AFF3: variants seen among roughly 807,000 people sequenced by gnomAD.
AFF3 encodes AF4/FMR2 family member 3.
A neutral mutation model predicts 129.7 loss-of-function variants in AFF3; 32 were observed. That is an observed-to-expected ratio of 0.25 (90% CI 0.19 to 0.33). The LOEUF (loss-of-function observed/expected upper bound fraction) is 0.33. Among genes scored for constraint, AFF3 ranks in the 10% least tolerant of loss-of-function variants. The pLI, the probability that AFF3 is intolerant of heterozygous loss-of-function variation, is 1.00. For synonymous variants in AFF3, 644 were observed against 635.4 expected, an observed-to-expected ratio of 1.01 and a Z score of -0.20; for missense variants, 1,373 against 1,592.0, an observed-to-expected ratio of 0.86 and a Z score of 2.34.
intron 11 of AFF3, among the ~76,000 whole-genome samples, chr2:99,709,953 G>A (rs533514699): frequency 6.6e-6 from 1 of 152,344 alleles, no homozygotes; most frequent in South Asian, 2.1e-4. Flanking sequence ...CAGCTCAGGT[G>A]TCTGTAGTCT....
At chr2:99,571,499 T>A (rs1418179945) in intron 18 of AFF3, among the ~76,000 whole-genome samples, 7 of 152,184 alleles carry the variant, frequency 4.6e-5, no homozygotes. Flanking sequence ...TATTTTTAAA[T>A]CCTGATATGG....
chr2:99,843,379 C>A (rs1689467365), intron 7 of AFF3, among the ~76,000 whole-genome samples: 1 of 152,198 alleles, frequency 6.6e-6, no homozygotes, highest in African/African-American at 2.4e-5. Context: ...GCCTCTGAGC[C>A]TCCTCTGATC....
intron 8 of AFF3, among the ~76,000 whole-genome samples, chr2:99,826,648 G>A (rs984716922): frequency 2.0e-5 from 3 of 152,116 alleles, no homozygotes; most frequent in Non-Finnish European, 4.4e-5. Flanking sequence ...CAGTGGTTAC[G>A]CCTGCAGAAG....
chr2:99,914,171 G>A lies in AFF3; in HGVS notation c.874-76647C>T, dbSNP rs375503876. On this transcript the variant is annotated intron_variant, in intron 7 of 24. Coordinates refer to ENST00000672756, the MANE Select transcript of AFF3 (RefSeq NM_001386135.1). ...ATGGCATTCACATCACCAGTAATGGGACAAATCAATGTCACCTGCCTCTTG... is the reference window on the plus strand; with the variant it reads ...ATGGCATTCACATCACCAGTAATGGAACAAATCAATGTCACCTGCCTCTTG... Among the ~76,000 whole-genome samples, 11 of 152,236 alleles carry A rather than the reference G, an allele frequency of 7.2e-5. No homozygotes were observed. In the South Asian group the frequency reaches 2.1e-3, roughly 29 times the overall value.
rs1365878159 is a variant in AFF3 at position 99,554,344 on chromosome 2, C to T, written c.3526G>A (p.Glu1176Lys). 6.2e-7 allele frequency: 1 copy of T among 1,614,214 alleles called. No individual in the cohort carries two copies. Among genetic ancestry groups the T allele is most frequent in the Non-Finnish European group, 8.5e-7 (1 of 1,180,040 alleles). Residue 1176 changes from glutamate (E) to lysine (K), a missense_variant, in exon 24 of 25, where the codon GAG (glutamate) becomes AAG (lysine). This residue lies in a region of AFF3 where 165 missense variants were observed against 234.0 expected (regional missense o/e 0.71). Coordinates refer to ENST00000672756, the MANE Select transcript of AFF3 (RefSeq NM_001386135.1). ...TCCTTGGCCAGGTTGTCGGCCATCT[C>T]CCAGTAGTCGTAGCTGTGCAGGATG... ...NSILHSYDYW[E>K]MADNLAKENR...
intron 3 of AFF3, chr2:100,105,240 C>T: frequency 9.5e-7 from 1 of 1,047,622 alleles, no homozygotes; most frequent in Non-Finnish European, 1.2e-6. Context: ...GGCGCTCCCG[C>T]GGGCGGCGGA....
At chr2:99,888,064 C>A (rs1366697565) in intron 7 of AFF3, among the ~76,000 whole-genome samples, 2 of 152,178 alleles carry the variant, frequency 1.3e-5, no homozygotes, top group South Asian at 2.1e-4. Context: ...CTGTCATAGT[C>A]AAAAATTTGC....
At chr2:99,834,327 G>T (rs940726190) in intron 8 of AFF3, among the ~76,000 whole-genome samples, 1 of 152,192 alleles carries the variant, frequency 6.6e-6, no homozygotes, top group Non-Finnish European at 1.5e-5. Flanking sequence ...TTCCTCATCT[G>T]TAAAATGGGA....
At chr2:99,957,126 A>C (rs377473211) in intron 7 of AFF3, among the ~76,000 whole-genome samples, 17 of 152,080 alleles carry the variant, frequency 1.1e-4, no homozygotes, top group African/African-American at 3.6e-4. Context: ...CCTCACATTC[A>C]CAGGCTGTGT....
intron 7 of AFF3, among the ~76,000 whole-genome samples, chr2:99,955,014 G>GA (rs538346279): frequency 1.4e-3 from 212 of 151,212 alleles, no homozygotes; most frequent in African/African-American, 4.8e-3. Context: ...AAGAAAGCTG[G>GA]AAAAAAAAGT....
At chr2:99,965,761 C>G (rs980481971) in intron 7 of AFF3, among the ~76,000 whole-genome samples, 1 of 152,208 alleles carries the variant, frequency 6.6e-6, no homozygotes. Flanking sequence ...AAATTCACCA[C>G]TGAAATGGCA....
chr2:100,130,021 T>G (rs943385953), intron 1 of AFF3, among the ~76,000 whole-genome samples: 1 of 152,118 alleles, frequency 6.6e-6, no homozygotes, highest in Non-Finnish European at 1.5e-5. Context: ...ATATTGTGCA[T>G]GAAAAGGAGG....
chr2:99,598,583 A>T (rs1291547527), intron 14 of AFF3, among the ~76,000 whole-genome samples: 1 of 152,216 alleles, frequency 6.6e-6, no homozygotes, highest in Non-Finnish European at 1.5e-5. Context: ...GAGTGCTGGG[A>T]CATGGTGGGG....
At chr2:99,592,096 A>T (rs1208856339) in intron 15 of AFF3, among the ~76,000 whole-genome samples, 3 of 152,194 alleles carry the variant, frequency 2.0e-5, no homozygotes, top group African/African-American at 7.2e-5. Flanking sequence ...TTATGAAGAT[A>T]CAGTAACAGG....
chr2:99,854,309 C>T (rs1690367701), intron 7 of AFF3, among the ~76,000 whole-genome samples: 1 of 150,966 alleles, frequency 6.6e-6, no homozygotes, highest in African/African-American at 2.4e-5. Flanking sequence ...ATGCAATGGT[C>T]TCAGTGCAGA....
At chr2:99,863,349 T>C (rs1576217579) in intron 7 of AFF3, among the ~76,000 whole-genome samples, 1 of 152,224 alleles carries the variant, frequency 6.6e-6, no homozygotes, top group Non-Finnish European at 1.5e-5. Flanking sequence ...TTTTGGGCTA[T>C]GAAGTCAGAT....
chr2:99,789,733 AG>A (rs1302097094), intron 8 of AFF3, among the ~76,000 whole-genome samples: 1 of 152,186 alleles, frequency 6.6e-6, no homozygotes, highest in Non-Finnish European at 1.5e-5. Context: ...ATATTGCTCG[AG>A]GATTCGGAGG....
intron 13 of AFF3, among the ~76,000 whole-genome samples, chr2:99,648,934 C>CTCTCTCTCTCTCTCTCTCTCTCTCTT (rs138353584): frequency 0.013 from 1,498 of 119,052 alleles, 72 homozygotes; most frequent in Middle Eastern, 0.021. Context: ...CTCTCTCTCT[C>CTCTCTCTCTCTCTCTCTCTCTCTCTT]TCTCCAATCT....
At chr2:100,131,606 T>C (rs1379765224) in intron 1 of AFF3, among the ~76,000 whole-genome samples, 1 of 152,060 alleles carries the variant, frequency 6.6e-6, no homozygotes, top group Non-Finnish European at 1.5e-5. Context: ...ATTATAGGCA[T>C]GTACCACCAC....
Sources: allele counts gnomAD v4.1 joint callset (sites outside exome capture counted in the v4.1 genomes callset), GRCh38; gene constraint gnomAD v4.1.1; regional missense constraint gnomAD v4.1.1; transcripts MANE v1.5; gene names NCBI Gene and HGNC (gene_info 2026-07-23, HGNC 2026-07-21).